TPD52L1: variants seen among roughly 807,000 people sequenced by gnomAD.
TPD52L1 encodes the protein tumor protein D53.
In TPD52L1, 18 loss-of-function variants were observed where a neutral mutation model predicts 28.7. The ratio of observed to expected loss-of-function variants is 0.63; its 90% CI spans 0.43 to 0.93. The LOEUF is 0.93. TPD52L1 is among the 40% of genes least tolerant of loss of function. The pLI, the probability that TPD52L1 is intolerant of heterozygous loss-of-function variation, is 0.00. For missense variants in TPD52L1, 203 were observed against 254.8 expected (o/e 0.80, Z 1.39); for synonymous variants, 75 against 88.8 (o/e 0.84, Z 0.88).
At chr6:125,159,813 CA>C (rs1464977343) in intron 1 of TPD52L1, among the ~76,000 whole-genome samples, 1 of 152,152 alleles carries the variant, frequency 6.6e-6, no homozygotes, top group African/African-American at 2.4e-5. Context: ...ACATCTCCAT[CA>C]GAACTCTTGG....
intron 1 of TPD52L1, among the ~76,000 whole-genome samples, chr6:125,187,136 G>T (rs921016135): frequency 6.6e-6 from 1 of 152,256 alleles, no homozygotes; most frequent in African/African-American, 2.4e-5. Flanking sequence ...AAAATAGGCA[G>T]ATAATTTGAA....
At chr6:125,199,824 A>G (rs1402823635) in intron 1 of TPD52L1, among the ~76,000 whole-genome samples, 7 of 152,262 alleles carry the variant, frequency 4.6e-5, no homozygotes, top group Non-Finnish European at 1.0e-4. Flanking sequence ...TACTTAGGTC[A>G]TAAAAATGCA....
chr6:125,195,021 A>G (rs1047306318), intron 1 of TPD52L1, among the ~76,000 whole-genome samples: 1 of 152,218 alleles, frequency 6.6e-6, no homozygotes, highest in Non-Finnish European at 1.5e-5. Context: ...GGGAGTTTTT[A>G]GCAGGATTAC....
At chr6:125,222,435 A>C (rs141239362) in intron 2 of TPD52L1, among the ~76,000 whole-genome samples, 58 of 152,286 alleles carry the variant, frequency 3.8e-4, no homozygotes, top group Non-Finnish European at 6.9e-4. Context: ...ACGGCCTTGG[A>C]GTCAGGCACT....
chr6:125,216,569 A>T (rs1035240817), intron 1 of TPD52L1, among the ~76,000 whole-genome samples: 1 of 139,416 alleles, frequency 7.2e-6, no homozygotes, highest in South Asian at 2.3e-4. Flanking sequence ...ATATATATAT[A>T]TATGAAAATA....
rs140720593 is a variant in TPD52L1, at chr6:125,228,955, G to C, written c.136-163G>C. The C allele has an allele frequency of 1.6e-3, 778 of 481,550 alleles. 6 individuals are homozygous for C. The East Asian group carries it at 0.022, about 14-fold the overall frequency. 29.8% of individuals were successfully genotyped at this position (481,550 alleles called of 1,614,324 possible). A position where few individuals can be genotyped will look rare whatever the true frequency, so the allele number is the denominator to read the frequency against. On this transcript the variant is annotated intron_variant, in intron 2 of 6. Transcript: ENST00000534000. ...AAATGAAAAATTCTGTTTCTACTTT[G>C]AGATATTAGACTATCATCTGTATGG...
chr6:125,180,073 A>C (rs1278231358), intron 1 of TPD52L1, among the ~76,000 whole-genome samples: 1 of 152,162 alleles, frequency 6.6e-6, no homozygotes, highest in Non-Finnish European at 1.5e-5. Flanking sequence ...ATGCCCTTTC[A>C]TGACCTTAAC....
At chr6:125,178,620 AAAAACAAAACAAAAC>A (rs567869890) in intron 1 of TPD52L1, among the ~76,000 whole-genome samples, 19 of 150,616 alleles carry the variant, frequency 1.3e-4, no homozygotes, top group Admixed American at 2.0e-4. Context: ...GACTCCATCT[AAAAACAAAACAAAAC>A]AAAACAAAAC....
rs1274019768 is a variant in TPD52L1, at chr6:125,229,212, A to G, written c.230A>G (p.Asn77Ser). The change falls in exon 3 of 7, where the codon AAT (asparagine) becomes AGT (serine). Residue 77 changes from asparagine (N) to serine (S), a missense_variant. By Grantham distance (46) the Asn-to-Ser change is conservative. Coordinates refer to ENST00000534000, the MANE Select transcript of TPD52L1 (RefSeq NM_003287.4). ...IKQKLGMNLM[N>S]ELKQNFSKSW... The stretch of plus-strand genomic sequence containing the variant: ...CAAAAACTCGGCATGAACCTGATGA[A>G]TGAATTAAAACAGAACTTCAGCAAA... 1.9e-6 allele frequency: 3 copies of G among 1,613,670 alleles called. No individual in the cohort carries two copies. The African/African-American group carries it at 4.0e-5, about 22-fold the overall frequency.
intron 3 of TPD52L1, among the ~76,000 whole-genome samples, chr6:125,236,424 A>G (rs1201421544): frequency 6.6e-6 from 1 of 152,224 alleles, no homozygotes; most frequent in Non-Finnish European, 1.5e-5. Flanking sequence ...TATTTTCAAT[A>G]TATACTTCTC....
chr6:125,206,899 G>C (rs1346157983), intron 1 of TPD52L1, among the ~76,000 whole-genome samples: 1 of 152,124 alleles, frequency 6.6e-6, no homozygotes, highest in Admixed American at 6.5e-5. Flanking sequence ...GTCATATAGC[G>C]ATGAAAATTA....
At chr6:125,238,327 A>C (rs943554952) in intron 3 of TPD52L1, among the ~76,000 whole-genome samples, 1 of 152,198 alleles carries the variant, frequency 6.6e-6, no homozygotes, top group East Asian at 1.9e-4. Context: ...CTTATCACTA[A>C]TGACAATTTA....
At chr6:125,258,311 G>A (rs906545745) in intron 6 of TPD52L1, among the ~76,000 whole-genome samples, 3 of 152,134 alleles carry the variant, frequency 2.0e-5, no homozygotes, top group African/African-American at 7.2e-5. Flanking sequence ...TCACCGCTCT[G>A]CATGCCAACA....
rs61539480 is a variant in TPD52L1, at chr6:125,203,906, G to T, written c.20-16172G>T. ...TCAATAATATTCACAGTCAAGTAGA[G>T]CTGTCTTTTACTGATATATTCTAAA... On this transcript the variant is annotated intron_variant, in intron 1 of 6. Coordinates refer to ENST00000534000, the MANE Select transcript of TPD52L1 (RefSeq NM_003287.4). 1,578 of 573,208 alleles carry T rather than the reference G, an allele frequency of 2.8e-3. 32 individuals are homozygous for T. The African/African-American group carries it at 0.03, about 11-fold the overall frequency. The allele number at this position is 573,208 out of a possible 1,614,324, so 35.5% of individuals were successfully genotyped here.
chr6:125,162,642 A>G (rs1028664), intron 1 of TPD52L1, among the ~76,000 whole-genome samples: 78 of 152,174 alleles, frequency 5.1e-4, no homozygotes, highest in African/African-American at 1.9e-3. Context: ...CTGACATGTT[A>G]CTTACCATTA....
intron 1 of TPD52L1, among the ~76,000 whole-genome samples, chr6:125,217,566 A>T (rs1794967189): frequency 1.3e-5 from 2 of 152,060 alleles, no homozygotes; most frequent in South Asian, 2.1e-4. Context: ...AGCAGTGGGG[A>T]GTGGCCATAA....
intron 1 of TPD52L1, among the ~76,000 whole-genome samples, chr6:125,155,629 T>G (rs900638668): frequency 6.6e-6 from 1 of 152,224 alleles, no homozygotes; most frequent in African/African-American, 2.4e-5. Flanking sequence ...AGACAAATAT[T>G]AATTTGATAG....
intron 1 of TPD52L1, among the ~76,000 whole-genome samples, chr6:125,183,841 A>C (rs1319331273): frequency 6.6e-6 from 1 of 152,234 alleles, no homozygotes; most frequent in Non-Finnish European, 1.5e-5. Context: ...ATGGATTATG[A>C]TAGTGATTGG....
chr6:125,204,483 ATT>A (rs112570367), intron 1 of TPD52L1, among the ~76,000 whole-genome samples: 1 of 148,362 alleles, frequency 6.7e-6, no homozygotes, highest in African/African-American at 2.6e-5. Context: ...CAGATTTTTT[ATT>A]TTTATTTTTT....
Sources: gnomAD v4.1 joint callset for allele counts (sites outside exome capture counted in the v4.1 genomes callset) on GRCh38, gnomAD v4.1.1 for gene constraint, MANE v1.5 for transcripts, NCBI Gene and HGNC (gene_info 2026-07-23, HGNC 2026-07-21) for gene names.